The following PRKCSH variants were observed in gnomAD, a reference collection of about 807,000 sequenced individuals.
PRKCSH encodes glucosidase 2 subunit beta.
PRKCSH carries 42 observed loss-of-function variants against 79.7 expected under a neutral mutation model. The observed-to-expected ratio is 0.53, with a 90% CI of 0.41 to 0.68. The LOEUF (loss-of-function observed/expected upper bound fraction) is 0.68. PRKCSH is among the 30% of genes least tolerant of loss of function. The probability of loss-of-function intolerance (pLI) is 0.00; values close to 1 mark genes in which losing one functional copy is unlikely to be tolerated. For missense variants in PRKCSH, 686 were observed against 709.0 expected, an observed-to-expected ratio of 0.97 and a Z score of 0.37; for synonymous variants, 325 against 288.2, an observed-to-expected ratio of 1.13 and a Z score of -1.29.
rs186640682 is a variant in PRKCSH at position 11,437,356 on chromosome 19, A to G, written c.197-520A>G. Among the ~76,000 whole-genome samples the G allele has an allele frequency of 3.2e-3, 392 of 124,242 alleles. 3 individuals are homozygous for G. The highest frequency in any genetic ancestry group is 0.012 in the African/African-American group (371 of 31,804). The allele number at this position is 124,242 out of a possible 152,430, so 81.5% of individuals were successfully genotyped here. On this transcript the variant is annotated intron_variant, in intron 3 of 17. Transcript: ENST00000677123. ...CCTGGCCTTGTTTTGTTTTGTTTTT[A>G]ATTTTTTTTTTTGAGATGGAGTTTC...
At chr19:11,436,744 C>T (rs917162504) in intron 3 of PRKCSH, 2 of 509,320 alleles carry the variant, frequency 3.9e-6, no homozygotes, top group East Asian at 3.7e-5. Flanking sequence ...AGTTGAATCC[C>T]GAAGGTGCTG....
chr19:11,447,681 C>T lies in PRKCSH; in HGVS notation c.1030-12C>T. 1.9e-6 allele frequency: 3 copies of T among 1,565,328 alleles called. No individual in the cohort carries two copies. Among genetic ancestry groups the T allele is most frequent in the South Asian group, 2.4e-5 (2 of 84,708 alleles). Reference sequence around the variant, plus strand: ...GGGGAAGGGCTACTCACTGACCCTGCCCCTGCCCCAGGAGGCCCCACCGCC... The same window carrying T: ...GGGGAAGGGCTACTCACTGACCCTGTCCCTGCCCCAGGAGGCCCCACCGCC... On this transcript the variant is annotated splice_polypyrimidine_tract_variant and intron_variant, in intron 11 of 17. Coordinates refer to ENST00000677123, the MANE Select transcript of PRKCSH (RefSeq NM_001289104.2). The surrounding 1 kb of genome is among the most constrained non-coding windows in gnomAD (Gnocchi z 5.6).
intron 1 of PRKCSH, 113 bp from the exon 2 acceptor site, chr19:11,435,928 C>G (rs745634430): frequency 1.6e-4 from 150 of 940,542 alleles, no homozygotes; most frequent in Non-Finnish European, 2.3e-4. Flanking sequence ...ATCGCTGCCC[C>G]TCGCCCCCAT....
Position 11,447,165 on chromosome 19 carries a change from G to A in PRKCSH, c.849+5G>A, listed in dbSNP as rs765068797. The A allele has an allele frequency of 1.2e-6, 2 of 1,613,740 alleles. No homozygotes were observed. Among genetic ancestry groups the A allele is most frequent in the Non-Finnish European group, 1.7e-6 (2 of 1,179,692 alleles). ...AGGGACAAGTACCGGTCCGAGGTCA[G>A]TGGAGGAGAAGGGAGGGGACTTGGT... On this transcript the variant is annotated splice_donor_5th_base_variant and intron_variant, in intron 10 of 17. Coordinates refer to ENST00000677123, the MANE Select transcript of PRKCSH (RefSeq NM_001289104.2). The surrounding 1 kb of genome is among the most constrained non-coding windows in gnomAD (Gnocchi z 5.6).
chr19:11,450,782 G>A lies in PRKCSH; in HGVS notation c.*153G>A, dbSNP rs1970581244. ...GTGCCCTGCTCTGGGGCCCAGGCGGGGCTGGTCCACATTCCCAGGCCCCAA... is the reference window on the plus strand; with the variant it reads ...GTGCCCTGCTCTGGGGCCCAGGCGGAGCTGGTCCACATTCCCAGGCCCCAA... On this transcript the variant is annotated 3_prime_UTR_variant, in exon 18 of 18. Transcript: ENST00000677123. 6.6e-6 allele frequency: 1 copy of A among 152,270 alleles called. No individual in the cohort carries two copies. Among genetic ancestry groups the A allele is most frequent in the South Asian group, 2.1e-4 (1 of 4,836 alleles). The allele number at this position is 152,270 out of a possible 1,614,324, so 9.4% of individuals were successfully genotyped here.
At chr19:11,442,253 GGA>G in intron 6 of PRKCSH, 131 bp from the exon 7 acceptor site, 1 of 1,353,702 alleles carries the variant, frequency 7.4e-7, no homozygotes, top group Non-Finnish European at 1.0e-6. Flanking sequence ...CCCCAGCTCG[GGA>G]GAGAGACCCA....
chr19:11,441,323 T>C lies in PRKCSH; in HGVS notation c.434T>C (p.Ile145Thr), dbSNP rs1228778323. The C allele has an allele frequency of 3.1e-6, 5 of 1,613,772 alleles. No homozygotes were observed. The highest frequency in any genetic ancestry group is 4.2e-6 in the Non-Finnish European group (5 of 1,179,886). ...GGGTTCCGTCTGAAGAAGATCCTTA[T>C]TGAGGACTGGAAGAAGGCACGGGAG... ...REGFRLKKILIEDWKKAREEK... is the reference protein window; with the variant it reads ...REGFRLKKILTEDWKKAREEK... The change falls in exon 6 of 18, where the codon ATT (isoleucine) becomes ACT (threonine). Residue 145 changes from isoleucine to threonine, a missense_variant. Transcript: ENST00000677123.
chr19:11,447,697 C>T lies in PRKCSH; in HGVS notation c.1034C>T (p.Ala345Val), dbSNP rs35847588. Residue 345 changes from alanine (A) to valine (V), a missense_variant, in exon 12 of 18, where the codon GCC becomes GTC. This residue lies in a region of PRKCSH where 549 missense variants were observed against 520.2 expected (regional missense o/e 1.06). Coordinates refer to ENST00000677123, the MANE Select transcript of PRKCSH (RefSeq NM_001289104.2). The surrounding 1 kb of genome is among the most constrained non-coding windows in gnomAD (Gnocchi z 5.6). The part of the protein sequence containing the change: ...SEVQGEQPKE[A>V]PPPLSPPQPA... The stretch of plus-strand genomic sequence containing the variant: ...CTGACCCTGCCCCTGCCCCAGGAGG[C>T]CCCACCGCCACTGTCACCCCCGCAG... 6.4e-7 allele frequency: 1 copy of T among 1,573,312 alleles called. No homozygotes were observed. The highest frequency in any genetic ancestry group is 1.8e-5 in the Admixed American group (1 of 55,564).
rs753098539 is a variant in PRKCSH, at chr19:11,445,460, G to A, written c.670G>A (p.Asp224Asn). 1 of 1,614,038 alleles carries A rather than the reference G, an allele frequency of 6.2e-7. No homozygotes were observed. The highest frequency in any genetic ancestry group is 1.1e-5 in the South Asian group (1 of 91,070). Residue 224 changes from aspartate (D) to asparagine (N), a missense_variant, in exon 8 of 18, where the codon GAC (aspartate) becomes AAC (asparagine). By Grantham distance (23) the Asp-to-Asn change is conservative. Around this residue, in one of 2 missense-constraint regions of PRKCSH, gnomAD observed 549 missense variants for 520.2 expected, o/e 1.06. Transcript: ENST00000677123. Reference protein sequence around the residue: ...AADAFKELDDDMDGTVSVTEL... With the variant: ...AADAFKELDDNMDGTVSVTEL... ...TGATGCCTTCAAGGAGCTGGATGAT[G>A]ACATGGACGGGACGTGAGTGTCCCC...
intron 7 of PRKCSH, among the ~76,000 whole-genome samples, chr19:11,443,322 C>T (rs947200928): frequency 6.6e-6 from 1 of 150,876 alleles, no homozygotes; most frequent in Non-Finnish European, 1.5e-5. Flanking sequence ...CTGAGGCAGG[C>T]AGATCACGAG....
rs760381469 is a variant in PRKCSH, at chr19:11,442,505, G to A, written c.588G>A (p.Lys196=). The change falls in exon 7 of 18, where the codon AAG becomes AAA. Residue 196 remains lysine, a synonymous_variant. Coordinates refer to ENST00000677123, the MANE Select transcript of PRKCSH (RefSeq NM_001289104.2). ...PEREAKEQHQ[K]LWEEQLAAAK... ...GAGAGGCCAAAGAGCAGCACCAGAAGCTGTGGGAAGGTATGGCAGAAATGG... is the reference window on the plus strand; with the variant it reads ...GAGAGGCCAAAGAGCAGCACCAGAAACTGTGGGAAGGTATGGCAGAAATGG... The A allele has an allele frequency of 1.3e-5, 21 of 1,610,866 alleles. No individual in the cohort carries two copies. The highest frequency in any genetic ancestry group is 3.9e-4 in the Middle Eastern group (2 of 5,064).
At position 11,436,432 on chromosome 19, in the gene PRKCSH, C is replaced by G; in HGVS notation, c.123C>G (p.Asp41Glu). 6.2e-7 allele frequency: 1 copy of G among 1,614,214 alleles called. No homozygotes were observed. The highest frequency in any genetic ancestry group is 2.2e-5 in the East Asian group (1 of 44,884). ...YDESKPFTCLDGSATIPFDQV... is the reference protein window; with the variant it reads ...YDESKPFTCLEGSATIPFDQV... ...AGTCCAAGCCTTTCACCTGCCTGGA[C>G]GGTTCGGCCACCATCCCATTTGATC... The change falls in exon 3 of 18, where the codon GAC becomes GAG. Residue 41 changes from aspartate to glutamate, a missense_variant. Physicochemically the swap from Asp to Glu is conservative, Grantham distance 45. Transcript: ENST00000677123.
chr19:11,437,743 CTTTCCTTCCTTTGG>C, intron 3 of PRKCSH, 119 bp from the exon 4 acceptor site: 1 of 846,132 alleles, frequency 1.2e-6, no homozygotes, highest in South Asian at 1.4e-5. Context: ...GTGTACAACT[CTTTCCTTCCTTTGG>C]TTTCCTTTCC....
At chr19:11,435,941 C>A (rs1969700961) in intron 1 of PRKCSH, 100 bp from the exon 2 acceptor site, 1 of 1,010,644 alleles carries the variant, frequency 9.9e-7, no homozygotes, top group Non-Finnish European at 1.5e-6. Flanking sequence ...GCCCCCATAT[C>A]GGAAACAAAG....
Position 11,436,100 on chromosome 19 carries a change from C to G in PRKCSH, c.-18C>G, listed in dbSNP as rs1218621243. 1 of 1,607,272 alleles carries G rather than the reference C, an allele frequency of 6.2e-7. No individual in the cohort carries two copies. The highest frequency in any genetic ancestry group is 1.7e-5 in the Admixed American group (1 of 60,002). ...TCCTCCCACAGAACCCGTTTCGGGC[C>G]TCAGAGCGTCTGGTGAGATGCTGTT... On this transcript the variant is annotated 5_prime_UTR_variant, in exon 2 of 18. Transcript: ENST00000677123.
chr19:11,438,160 C>G, intron 5 of PRKCSH, 36 bp downstream of exon 5: 4 of 1,610,466 alleles, frequency 2.5e-6, no homozygotes, highest in Non-Finnish European at 3.4e-6. Flanking sequence ...ATCACCCCAC[C>G]CCAAGACTTT....
chr19:11,442,980 A>C (rs1970131764), intron 7 of PRKCSH, among the ~76,000 whole-genome samples: 1 of 151,768 alleles, frequency 6.6e-6, no homozygotes. Context: ...CTGGGATTAC[A>C]GGCATGAGCC....
rs188406927 is a variant in PRKCSH, at chr19:11,438,134, T to C, written c.350+10T>C. On this transcript the variant is annotated intron_variant, in intron 5 of 17. Coordinates refer to ENST00000677123, the MANE Select transcript of PRKCSH (RefSeq NM_001289104.2). The stretch of plus-strand genomic sequence containing the variant: ...GTGAGAACACCTGCAAGTACGTGGG[T>C]GACAGTACCCCTCCCATCACCCCAC... 7.3e-3 allele frequency: 11,706 copies of C among 1,613,816 alleles called. 59 individuals carry two copies. The highest frequency in any genetic ancestry group is 0.013 in the South Asian group (1,176 of 91,028).
In PRKCSH at chr19:11,448,837, G is replaced by A; in HGVS notation, c.1287-77G>A. 1 of 1,552,350 alleles carries A rather than the reference G, an allele frequency of 6.4e-7. No individual in the cohort carries two copies. The highest frequency in any genetic ancestry group is 8.9e-7 in the Non-Finnish European group (1 of 1,124,556). ...AGGTACCCTGTGTGTGGGGACTGGA[G>A]GAGGCGGTGGGGGGTGGCTGTGGGA... On this transcript the variant is annotated intron_variant, in intron 14 of 17. Transcript: ENST00000677123. This position sits in a 1 kb window ranked among gnomAD's most constrained non-coding sequence, Gnocchi z 4.4.
Sources: gnomAD v4.1 joint callset for allele counts (sites outside exome capture counted in the v4.1 genomes callset) on GRCh38, gnomAD v4.1.1 for gene constraint, gnomAD v4.1.1 regional missense constraint, Gnocchi (gnomAD v3.1) non-coding constraint, MANE v1.5 for transcripts, NCBI Gene and HGNC (gene_info 2026-07-23, HGNC 2026-07-21) for gene names.